ANKRD30B: variants seen among roughly 807,000 people sequenced by gnomAD.
ANKRD30B encodes the protein ankyrin repeat domain-containing protein 30B.
Under a neutral mutation model 202.2 loss-of-function variants are expected in ANKRD30B, and 144 were observed. The observed-to-expected ratio is 0.71, with a 90% CI of 0.62 to 0.82. ANKRD30B has a LOEUF of 0.82. ANKRD30B is among the 40% of genes least tolerant of loss of function. ANKRD30B has a pLI of 0.00. For synonymous variants in ANKRD30B, 508 were observed against 561.3 expected (o/e 0.91, Z 1.34); for missense variants, 1,487 against 1,669.1 (o/e 0.89, Z 1.90).
At chr18:14,787,427 A>G (rs1045211214) in intron 15 of ANKRD30B, among the ~76,000 whole-genome samples, 1 of 152,210 alleles carries the variant, frequency 6.6e-6, no homozygotes, top group Non-Finnish European at 1.5e-5. Context: ...CTATGGGCAA[A>G]TACATGATTC....
At chr18:14,808,035 A>G (rs888907720) in intron 24 of ANKRD30B, among the ~76,000 whole-genome samples, 2 of 151,246 alleles carry the variant, frequency 1.3e-5, no homozygotes, top group African/African-American at 4.9e-5. Context: ...TGATAAGTAA[A>G]TTGTACCTTT....
chr18:14,888,168 T>G, the ANKRD30B span, among the ~76,000 whole-genome samples: 1 of 151,994 alleles, frequency 6.6e-6, no homozygotes, highest in African/African-American at 2.4e-5. Context: ...TTGAGAATAT[T>G]CTTTTTTTCT....
chr18:14,870,164 T>G, the ANKRD30B span, among the ~76,000 whole-genome samples: 1 of 152,226 alleles, frequency 6.6e-6, no homozygotes. Flanking sequence ...TGTCTTCCTC[T>G]GTTGACCAGG....
At chr18:14,834,066 C>T (rs189192761) in intron 34 of ANKRD30B, among the ~76,000 whole-genome samples, 11 of 152,138 alleles carry the variant, frequency 7.2e-5, no homozygotes, top group African/African-American at 2.4e-4. Flanking sequence ...AGAATTTATA[C>T]GATTATTTAT....
the ANKRD30B span, among the ~76,000 whole-genome samples, chr18:14,881,912 G>C: frequency 2.0e-5 from 3 of 152,164 alleles, no homozygotes; most frequent in South Asian, 6.2e-4. Flanking sequence ...TAGTACCCTT[G>C]AATAACCTTT....
the ANKRD30B span, among the ~76,000 whole-genome samples, chr18:14,912,719 A>C: frequency 3.2e-4 from 49 of 152,336 alleles, no homozygotes; most frequent in South Asian, 9.7e-3. Context: ...GTTTGGTATA[A>C]TTAAGCTGTG....
intron 32 of ANKRD30B, among the ~76,000 whole-genome samples, chr18:14,827,545 T>C (rs904957706): frequency 1.3e-5 from 2 of 152,194 alleles, no homozygotes; most frequent in African/African-American, 4.8e-5. Context: ...CATTGCTTAT[T>C]TGTTGGTGGA....
intron 23 of ANKRD30B, 170 bp from the exon 24 acceptor site, chr18:14,803,564 G>C (rs1969319856): frequency 1.5e-6 from 1 of 647,612 alleles, no homozygotes; most frequent in Admixed American, 2.2e-5. Flanking sequence ...AGTGTTATGT[G>C]AGGTTTTCTA....
At chr18:14,756,881 G>T (rs572026623) in intron 4 of ANKRD30B, among the ~76,000 whole-genome samples, 1 of 152,014 alleles carries the variant, frequency 6.6e-6, no homozygotes. Flanking sequence ...AATAGAGCGA[G>T]ATTCTGTCTC....
intron 7 of ANKRD30B, among the ~76,000 whole-genome samples, chr18:14,766,475 A>AC (rs1916191524): frequency 1.0e-5 from 1 of 96,036 alleles, no homozygotes; most frequent in African/African-American, 6.4e-5. Flanking sequence ...TCCATCTCAA[A>AC]AAAAAAAAAA....
At chr18:14,822,453 A>G (rs757038506) in intron 30 of ANKRD30B, 30 bp from the exon 31 acceptor site, 5 of 1,181,876 alleles carry the variant, frequency 4.2e-6, no homozygotes, top group African/African-American at 1.5e-5. Context: ...GCTTGCGTAT[A>G]ATCAATTATA....
chr18:14,811,291 A>T (rs1309257764), intron 28 of ANKRD30B, among the ~76,000 whole-genome samples: 3 of 151,092 alleles, frequency 2.0e-5, no homozygotes, highest in African/African-American at 4.9e-5. Context: ...GGCGCACTGC[A>T]AGCTCCACCT....
intron 32 of ANKRD30B, among the ~76,000 whole-genome samples, chr18:14,827,570 C>A (rs1254091776): frequency 1.3e-5 from 2 of 152,088 alleles, no homozygotes; most frequent in African/African-American, 4.8e-5. Flanking sequence ...ATCCTCCACA[C>A]ATTTGGTCGC....
At chr18:14,888,187 T>A in the ANKRD30B span, among the ~76,000 whole-genome samples, 1 of 151,904 alleles carries the variant, frequency 6.6e-6, no homozygotes, top group Non-Finnish European at 1.5e-5. Context: ...CTGATTAGAG[T>A]TTAAGTAGAT....
At chr18:14,925,169 G>C in the ANKRD30B span, among the ~76,000 whole-genome samples, 4 of 152,218 alleles carry the variant, frequency 2.6e-5, no homozygotes, top group African/African-American at 9.6e-5. Flanking sequence ...TCTGAGTGGA[G>C]GGTCAGAGGA....
intron 6 of ANKRD30B, 77 bp from the exon 7 acceptor site, chr18:14,763,609 G>T: frequency 6.4e-7 from 1 of 1,558,464 alleles, no homozygotes; most frequent in Non-Finnish European, 8.7e-7. Context: ...TACAGAATAA[G>T]TAGAAGTTTG....
chr18:14,771,084 G>C (rs1425911660), intron 8 of ANKRD30B, among the ~76,000 whole-genome samples: 2 of 152,192 alleles, frequency 1.3e-5, no homozygotes, highest in Non-Finnish European at 2.9e-5. Context: ...TGGGTTTTTG[G>C]TAACATGCTT....
chr18:14,888,840 T>G, the ANKRD30B span: 1 of 951,170 alleles, frequency 1.1e-6, no homozygotes, highest in African/African-American at 1.7e-5. Flanking sequence ...GAGGCATATG[T>G]GTTGTAATGG....
the ANKRD30B span, chr18:14,906,010 C>G: frequency 6.6e-6 from 1 of 151,740 alleles, no homozygotes; most frequent in Admixed American, 6.6e-5. Context: ...GAAGGTGGTT[C>G]CATTCATTCG....
Sources: allele counts gnomAD v4.1 joint callset (sites outside exome capture counted in the v4.1 genomes callset), GRCh38; gene constraint gnomAD v4.1.1; transcripts MANE v1.5; gene names NCBI Gene and HGNC (gene_info 2026-07-23, HGNC 2026-07-21).